NCOA7: variants seen among roughly 807,000 people sequenced by gnomAD.
NCOA7 encodes 140 kDa estrogen receptor-associated protein.
NCOA7 carries 45 observed loss-of-function variants against 104.3 expected under a neutral mutation model. The ratio of observed to expected loss-of-function variants is 0.43; its 90% CI spans 0.34 to 0.55. The LOEUF (loss-of-function observed/expected upper bound fraction) is 0.55, where lower values mean the gene tolerates loss of function less well. Ranked by LOEUF, NCOA7 falls within the 20% of genes least tolerant of loss-of-function variation. The pLI, the probability that NCOA7 is intolerant of heterozygous loss-of-function variation, is 0.02. For missense variants in NCOA7, 1,041 were observed against 1,119.7 expected (o/e 0.93, Z 1.00); for synonymous variants, 398 against 402.3 (o/e 0.99, Z 0.13).
intron 1 of NCOA7, among the ~76,000 whole-genome samples, chr6:125,791,950 A>G (rs933660050): frequency 1.3e-5 from 2 of 152,206 alleles, no homozygotes; most frequent in East Asian, 1.9e-4. Flanking sequence ...ATATTCAGCA[A>G]TAAGGCTTAA....
chr6:125,807,779 G>A (rs1235703861), intron 1 of NCOA7, among the ~76,000 whole-genome samples: 1 of 152,126 alleles, frequency 6.6e-6, no homozygotes, highest in Non-Finnish European at 1.5e-5. Flanking sequence ...AAAAAATACT[G>A]CATTAAGCTA....
At position 125,928,799 on chromosome 6, in the gene NCOA7, T is replaced by G; in HGVS notation, c.*28T>G. 2 of 1,601,982 alleles carry G rather than the reference T, an allele frequency of 1.2e-6. No homozygotes were observed. The highest frequency in any genetic ancestry group is 8.5e-7 in the Non-Finnish European group (1 of 1,176,100). On this transcript the variant is annotated 3_prime_UTR_variant, in exon 16 of 16. Coordinates refer to ENST00000392477, the MANE Select transcript of NCOA7 (RefSeq NM_181782.5). ...TTCAGACTGCCTTAAAATATAACAT[T>G]AAAAAGACTGGGTTCGATCAGCCCT...
At chr6:125,822,166 G>A (rs998734328) in intron 2 of NCOA7, among the ~76,000 whole-genome samples, 1 of 152,166 alleles carries the variant, frequency 6.6e-6, no homozygotes, top group Non-Finnish European at 1.5e-5. Context: ...ATCATCTTTA[G>A]TATGTCTGGC....
chr6:125,789,999 C>T (rs1483550731), upstream of NCOA7, among the ~76,000 whole-genome samples: 13 of 152,232 alleles, frequency 8.5e-5, no homozygotes, highest in African/African-American at 3.1e-4. Context: ...GGATGGGGAG[C>T]TCACAGGCAC....
At chr6:125,836,590 C>T (rs188116141) in intron 2 of NCOA7, among the ~76,000 whole-genome samples, 7 of 152,218 alleles carry the variant, frequency 4.6e-5, no homozygotes, top group Admixed American at 6.5e-5. Context: ...AAATAAAGTC[C>T]AGCTGAGTTT....
intron 10 of NCOA7, among the ~76,000 whole-genome samples, chr6:125,892,692 C>G (rs1275996235): frequency 6.6e-6 from 1 of 151,928 alleles, no homozygotes; most frequent in Non-Finnish European, 1.5e-5. Flanking sequence ...AACAAATAAA[C>G]AAACAAAAAA....
intron 1 of NCOA7, among the ~76,000 whole-genome samples, chr6:125,811,261 T>C (rs559647973): frequency 4.7e-4 from 72 of 152,328 alleles, no homozygotes; most frequent in Non-Finnish European, 8.8e-4. Context: ...TGCCATATAA[T>C]TGACGTTATC....
intron 3 of NCOA7, among the ~76,000 whole-genome samples, chr6:125,858,612 C>T (rs1264527947): frequency 4.0e-5 from 6 of 149,594 alleles, no homozygotes; most frequent in African/African-American, 9.9e-5. Context: ...AGTGACAGAG[C>T]GAGACACTGT....
intron 11 of NCOA7, among the ~76,000 whole-genome samples, chr6:125,917,040 T>C (rs754163274): frequency 3.9e-5 from 6 of 152,160 alleles, no homozygotes; most frequent in Non-Finnish European, 8.8e-5. Flanking sequence ...ACAAGCAAGC[T>C]TGGATACTCT....
intron 2 of NCOA7, among the ~76,000 whole-genome samples, chr6:125,851,095 G>A (rs924300072): frequency 3.3e-5 from 5 of 152,042 alleles, no homozygotes; most frequent in Non-Finnish European, 7.4e-5. Context: ...GTGATTTTTG[G>A]TTATTTTTTT....
Position 125,890,734 on chromosome 6 carries a change from C to CAG in NCOA7, c.2021_2022insGA (p.His674GlnfsTer60). On this transcript the variant is annotated frameshift_variant, in exon 10 of 16. Transcript: ENST00000392477. LOFTEE classifies it high-confidence loss of function. ...ACCAATGAGAAAATCCTTTGCCACT[C>CAG]ACACTGCAGCCATGGTCCAGCAGTA... 6.2e-7 allele frequency: 1 copy of CAG among 1,613,894 alleles called. No homozygotes were observed. Among genetic ancestry groups the CAG allele is most frequent in the South Asian group, 1.1e-5 (1 of 91,046 alleles).
intron 1 of NCOA7, among the ~76,000 whole-genome samples, chr6:125,792,239 T>C (rs1774926517): frequency 6.6e-6 from 1 of 152,238 alleles, no homozygotes; most frequent in South Asian, 2.1e-4. Flanking sequence ...ATTGCCTCTT[T>C]GTATAAATAG....
chr6:125,888,904 C>T, intron 8 of NCOA7, 35 bp from the exon 9 acceptor site: 1 of 1,452,138 alleles, frequency 6.9e-7, no homozygotes, highest in Non-Finnish European at 9.2e-7. Context: ...TTATTTTTAA[C>T]ATTCCATGTG....
chr6:125,844,289 G>C (rs1780411794), intron 2 of NCOA7, among the ~76,000 whole-genome samples: 1 of 152,168 alleles, frequency 6.6e-6, no homozygotes, highest in African/African-American at 2.4e-5. Context: ...TTTCCTAACT[G>C]TATTGGTTCT....
intron 11 of NCOA7, 137 bp from the exon 12 acceptor site, chr6:125,920,806 C>T: frequency 9.1e-7 from 1 of 1,094,784 alleles, no homozygotes; most frequent in Non-Finnish European, 1.3e-6. Context: ...GCCATTTCCC[C>T]AAAGTCCTGT....
chr6:125,927,074 G>A (rs149088841), intron 13 of NCOA7, among the ~76,000 whole-genome samples: 2 of 152,216 alleles, frequency 1.3e-5, no homozygotes, highest in African/African-American at 2.4e-5. Flanking sequence ...ATGATATTAC[G>A]GGGTTATTTG....
intron 10 of NCOA7, among the ~76,000 whole-genome samples, chr6:125,898,659 A>T (rs1037521662): frequency 1.3e-5 from 2 of 152,188 alleles, no homozygotes; most frequent in East Asian, 3.8e-4. Context: ...TCCCACAAAA[A>T]TATCTTAAGC....
intron 1 of NCOA7, chr6:125,781,391 T>C (rs377027685): frequency 1.2e-3 from 181 of 150,500 alleles, no homozygotes; most frequent in African/African-American, 4.5e-3. Flanking sequence ...TGCTTGAATC[T>C]CGTTTCTTTT....
At chr6:125,797,418 G>T (rs545660957) in intron 1 of NCOA7, among the ~76,000 whole-genome samples, 14 of 152,284 alleles carry the variant, frequency 9.2e-5, no homozygotes, top group African/African-American at 3.4e-4. Context: ...AATAGTGTTT[G>T]TTCAACACTG....
Sources: gnomAD v4.1 joint callset for allele counts (sites outside exome capture counted in the v4.1 genomes callset) on GRCh38, gnomAD v4.1.1 for gene constraint, MANE v1.5 for transcripts, NCBI Gene and HGNC (gene_info 2026-07-23, HGNC 2026-07-21) for gene names.